Variants in LYPLAL1 observed in about 807,000 individuals in gnomAD.
LYPLAL1 encodes lysophospholipase like 1, also known as lysophospholipase-like protein 1.
LYPLAL1 carries 23 observed loss-of-function variants against 19.7 expected under a neutral mutation model. That is an observed-to-expected ratio of 1.17 (90% CI 0.84 to 1.65). LYPLAL1 has a LOEUF of 1.65. LYPLAL1 is among the 40% of genes most tolerant of loss of function. The pLI, the probability that LYPLAL1 is intolerant of heterozygous loss-of-function variation, is 0.00. For synonymous variants in LYPLAL1, 119 were observed against 96.3 expected (o/e 1.24, Z -1.38); for missense variants, 355 against 279.4 (o/e 1.27, Z -1.93).
chr1:219,282,599 G>GA, the LYPLAL1 span, among the ~76,000 whole-genome samples: 30 of 151,918 alleles, frequency 2.0e-4, no homozygotes, highest in East Asian at 5.8e-3. Flanking sequence ...AGGGGAGGGG[G>GA]ATAACACAGT....
chr1:219,309,851 C>G, the LYPLAL1 span, among the ~76,000 whole-genome samples: 8 of 152,174 alleles, frequency 5.3e-5, no homozygotes, highest in Non-Finnish European at 1.2e-4. Context: ...TATATCTTAG[C>G]TTGTTAGAAC....
the LYPLAL1 span, among the ~76,000 whole-genome samples, chr1:219,340,874 C>T: frequency 6.6e-6 from 1 of 152,002 alleles, no homozygotes; most frequent in Non-Finnish European, 1.5e-5. Context: ...AACCCAGGAA[C>T]CCATTTGTTT....
At chr1:219,412,559 A>G in the LYPLAL1 span, among the ~76,000 whole-genome samples, 2 of 152,242 alleles carry the variant, frequency 1.3e-5, no homozygotes, top group African/African-American at 4.8e-5. Context: ...AGCTCCATTA[A>G]TGGGTAAATG....
At chr1:219,330,561 C>G in the LYPLAL1 span, among the ~76,000 whole-genome samples, 1 of 152,066 alleles carries the variant, frequency 6.6e-6, no homozygotes, top group Admixed American at 6.6e-5. Context: ...GATAGCAATG[C>G]TTTTATATGA....
the LYPLAL1 span, among the ~76,000 whole-genome samples, chr1:219,221,279 G>A: frequency 6.6e-6 from 1 of 152,136 alleles, no homozygotes; most frequent in Non-Finnish European, 1.5e-5. Flanking sequence ...TGGTGAAGCA[G>A]GCCAAGTGAT....
the LYPLAL1 span, among the ~76,000 whole-genome samples, chr1:219,303,292 G>A: frequency 6.6e-6 from 1 of 152,112 alleles, no homozygotes; most frequent in Non-Finnish European, 1.5e-5. Flanking sequence ...AAATAGACAA[G>A]TTTTTTGCTT....
chr1:219,383,155 T>C, the LYPLAL1 span, among the ~76,000 whole-genome samples: 1 of 152,226 alleles, frequency 6.6e-6, no homozygotes, highest in Admixed American at 6.5e-5. Flanking sequence ...TACTATTGTT[T>C]TCTAGTCTAG....
Position 219,210,651 on chromosome 1 carries a change from A to G in LYPLAL1, c.477+4A>G. 6.3e-7 allele frequency: 1 copy of G among 1,593,416 alleles called. No homozygotes were observed. Among genetic ancestry groups the G allele is most frequent in the Non-Finnish European group, 8.5e-7 (1 of 1,173,000 alleles). ...TAAAGCATCTGCTGTTTACCAGGTA[A>G]GTTCCAGATTTAAAAAAAAATGAAA... is the stretch of plus-strand genomic sequence containing the variant. On this transcript the variant is annotated splice_donor_region_variant and intron_variant, in intron 4 of 4. Transcript: ENST00000366928.
chr1:219,313,250 TGA>T, the LYPLAL1 span, among the ~76,000 whole-genome samples: 1 of 152,206 alleles, frequency 6.6e-6, no homozygotes, highest in Non-Finnish European at 1.5e-5. Context: ...TACTGAGTTG[TGA>T]GTCACCAACA....
the LYPLAL1 span, among the ~76,000 whole-genome samples, chr1:219,284,276 C>T: frequency 6.6e-6 from 1 of 152,136 alleles, no homozygotes; most frequent in East Asian, 1.9e-4. Context: ...TGAAAACAGA[C>T]TAATACACAT....
chr1:219,229,595 C>T, the LYPLAL1 span, among the ~76,000 whole-genome samples: 1 of 152,224 alleles, frequency 6.6e-6, no homozygotes, highest in Admixed American at 6.5e-5. Context: ...TCCAATTGAG[C>T]TGGTTAACAC....
the LYPLAL1 span, among the ~76,000 whole-genome samples, chr1:219,426,406 T>A: frequency 6.6e-6 from 1 of 152,158 alleles, no homozygotes; most frequent in Non-Finnish European, 1.5e-5. Flanking sequence ...GGAAAAAAAA[T>A]TGTATGACTG....
chr1:219,415,302 G>T, the LYPLAL1 span, among the ~76,000 whole-genome samples: 1 of 152,224 alleles, frequency 6.6e-6, no homozygotes, highest in Non-Finnish European at 1.5e-5. Context: ...TGTAGAGCAG[G>T]TTTACAGAGG....
the LYPLAL1 span, among the ~76,000 whole-genome samples, chr1:219,300,773 G>A: frequency 1.1e-4 from 16 of 151,872 alleles, no homozygotes; most frequent in Non-Finnish European, 2.2e-4. Context: ...CTGACCTCGG[G>A]ATCCGCCTGT....
the LYPLAL1 span, among the ~76,000 whole-genome samples, chr1:219,382,176 C>G: frequency 6.8e-4 from 103 of 152,310 alleles, no homozygotes; most frequent in Admixed American, 6.7e-3. Flanking sequence ...GTTGCCCTCT[C>G]TGGATGAAGA....
rs1244396411 is a variant in LYPLAL1 at position 219,203,731 on chromosome 1, A to C, written c.362-6801A>C. 2.0e-5 allele frequency among the ~76,000 whole-genome samples: 3 copies of C among 152,332 alleles called. No individual in the cohort carries two copies. The South Asian group carries it at 6.2e-4, about 32-fold the overall frequency. On this transcript the variant is annotated intron_variant, in intron 3 of 4. Coordinates refer to ENST00000366928, the MANE Select transcript of LYPLAL1 (RefSeq NM_138794.5). ...ATCCTAGTATCATTGAATTATATAC[A>C]GGGAGTGAATGATGTGATCAAATGG...
chr1:219,285,965 CAGAGAT>C, the LYPLAL1 span, among the ~76,000 whole-genome samples: 30 of 152,156 alleles, frequency 2.0e-4, no homozygotes, highest in African/African-American at 4.8e-4. Context: ...AAATTAGAGA[CAGAGAT>C]AGAGATAGAG....
chr1:219,206,252 A>G (rs919445178), intron 3 of LYPLAL1, among the ~76,000 whole-genome samples: 7 of 152,114 alleles, frequency 4.6e-5, no homozygotes, highest in Non-Finnish European at 8.8e-5. Flanking sequence ...GTTAATCTTA[A>G]GTGTATGTTG....
chr1:219,266,410 A>T, the LYPLAL1 span, among the ~76,000 whole-genome samples: 1 of 152,162 alleles, frequency 6.6e-6, no homozygotes, highest in African/African-American at 2.4e-5. Context: ...AGTTCTTCAG[A>T]GGTAATAGCA....
Sources: allele counts gnomAD v4.1 joint callset (sites outside exome capture counted in the v4.1 genomes callset), GRCh38; gene constraint gnomAD v4.1.1; transcripts MANE v1.5; gene names NCBI Gene and HGNC (gene_info 2026-07-23, HGNC 2026-07-21).